The following BIRC6 variants were observed in gnomAD, a reference collection of about 807,000 sequenced individuals.
BIRC6 encodes dual E2 ubiquitin-conjugating enzyme/E3 ubiquitin-protein ligase BIRC6.
Under a neutral mutation model 503.3 loss-of-function variants are expected in BIRC6, and 98 were observed. The ratio of observed to expected loss-of-function variants is 0.19; its 90% CI spans 0.17 to 0.23. The LOEUF is 0.23. Among genes scored for constraint, BIRC6 ranks in the 10% least tolerant of loss-of-function variants. BIRC6 has a pLI of 1.00. For missense variants in BIRC6, 5,360 were observed against 5,806.0 expected, an observed-to-expected ratio of 0.92 and a Z score of 2.50; for synonymous variants, 2,240 against 2,078.7, an observed-to-expected ratio of 1.08 and a Z score of -2.11.
chr2:32,573,889 T>G (rs918934787), intron 65 of BIRC6, among the ~76,000 whole-genome samples: 1 of 152,216 alleles, frequency 6.6e-6, no homozygotes, highest in East Asian at 1.9e-4. Flanking sequence ...TAAATATGTT[T>G]CCAGCCATAA....
chr2:32,435,175 G>A (rs1437295361), intron 13 of BIRC6, among the ~76,000 whole-genome samples: 2 of 152,160 alleles, frequency 1.3e-5, no homozygotes, highest in Non-Finnish European at 1.5e-5. Context: ...TCAGGATTTG[G>A]TAGTTTCAAA....
At chr2:32,364,068 GT>G (rs2034518263) in intron 1 of BIRC6, among the ~76,000 whole-genome samples, 1 of 152,172 alleles carries the variant, frequency 6.6e-6, no homozygotes, top group South Asian at 2.1e-4. Context: ...TACTAGTTCT[GT>G]GTGTATACAG....
chr2:32,501,430 A>G (rs2053180350), intron 46 of BIRC6, among the ~76,000 whole-genome samples: 1 of 152,150 alleles, frequency 6.6e-6, no homozygotes, highest in South Asian at 2.1e-4. Context: ...TCTACTGAAT[A>G]TTGTCATTGA....
At chr2:32,536,095 A>G (rs2057212445) in intron 61 of BIRC6, among the ~76,000 whole-genome samples, 1 of 152,202 alleles carries the variant, frequency 6.6e-6, no homozygotes, top group Non-Finnish European at 1.5e-5. Context: ...TTGGCTGCAT[A>G]AATGTCTTCT....
intron 66 of BIRC6, among the ~76,000 whole-genome samples, chr2:32,590,345 G>T (rs1466672790): frequency 6.6e-6 from 1 of 152,190 alleles, no homozygotes; most frequent in Non-Finnish European, 1.5e-5. Flanking sequence ...ATTTCAGCAT[G>T]TAGTCTCCAG....
chr2:32,438,540 A>G (rs114854956), intron 15 of BIRC6, among the ~76,000 whole-genome samples: 2,399 of 151,724 alleles, frequency 0.016, 51 homozygotes, highest in African/African-American at 0.056. Flanking sequence ...TACTAGTGAT[A>G]ATAATTATTT....
At position 32,573,872 on chromosome 2, in the gene BIRC6, A is replaced by G. The variant is rs1002660442; in HGVS notation, c.13145-1284A>G. Among the ~76,000 whole-genome samples the G allele has an allele frequency of 3.3e-5, 5 of 152,240 alleles. No individual in the cohort carries two copies. In the East Asian group the frequency reaches 9.6e-4, roughly 29 times the overall value. ...TTTAGTTTAAAAAAGTTTCCACTTC[A>G]TACTGATAAATATGTTTCCAGCCAT... On this transcript the variant is annotated intron_variant, in intron 65 of 73. Transcript: ENST00000421745.
intron 1 of BIRC6, among the ~76,000 whole-genome samples, chr2:32,369,093 T>C (rs1015605380): frequency 6.6e-6 from 1 of 152,242 alleles, no homozygotes; most frequent in Non-Finnish European, 1.5e-5. Context: ...AGTAAAGATC[T>C]GCATGATGCA....
Position 32,463,178 on chromosome 2 carries a change from C to T in BIRC6, c.4754-16C>T, listed in dbSNP as rs1345086269. On this transcript the variant is annotated splice_polypyrimidine_tract_variant and intron_variant, in intron 23 of 73. Coordinates refer to ENST00000421745, the MANE Select transcript of BIRC6 (RefSeq NM_016252.4). ...GGTGTTTTTTGTTTTTGTTTTTACC[C>T]CTTGTCTTATGCCAGTGAGTTCCTT... 6.3e-7 allele frequency: 1 copy of T among 1,584,038 alleles called. No individual in the cohort carries two copies. The highest frequency in any genetic ancestry group is 1.2e-5 in the South Asian group (1 of 85,732).
chr2:32,605,366 T>G (rs1164000803), intron 71 of BIRC6, among the ~76,000 whole-genome samples: 2 of 152,216 alleles, frequency 1.3e-5, no homozygotes, highest in African/African-American at 4.8e-5. Context: ...AAAACCATAT[T>G]GTGTCTCAAA....
At chr2:32,473,455 G>T (rs1034664891) in intron 33 of BIRC6, among the ~76,000 whole-genome samples, 1 of 151,966 alleles carries the variant, frequency 6.6e-6, no homozygotes, top group African/African-American at 2.4e-5. Flanking sequence ...AACATTTACT[G>T]TTATACATCT....
At chr2:32,534,776 A>G (rs1024919546) in intron 61 of BIRC6, among the ~76,000 whole-genome samples, 14 of 150,764 alleles carry the variant, frequency 9.3e-5, no homozygotes, top group Admixed American at 8.6e-4. Context: ...AAATGGAAGC[A>G]TAGAAAGTGT....
intron 37 of BIRC6, among the ~76,000 whole-genome samples, chr2:32,480,843 T>C (rs1330792466): frequency 2.0e-5 from 3 of 151,834 alleles, no homozygotes; most frequent in Non-Finnish European, 4.4e-5. Context: ...GGTTCTGCCA[T>C]GTTGGTCAGG....
At chr2:32,606,868 G>A (rs192390631) in intron 71 of BIRC6, among the ~76,000 whole-genome samples, 78 of 152,002 alleles carry the variant, frequency 5.1e-4, no homozygotes, top group African/African-American at 1.9e-3. Context: ...TTAGTCTGGC[G>A]TGGTGGCAGG....
In BIRC6 at chr2:32,443,611, C is replaced by A. The variant is rs1472203229; in HGVS notation, c.4336+23C>A. 3.3e-6 allele frequency: 5 copies of A among 1,506,516 alleles called. 1 individual carries two copies. The Middle Eastern group carries it at 7.5e-4, about 225-fold the overall frequency. The allele number at this position is 1,506,516 out of a possible 1,614,324, so 93.3% of individuals were successfully genotyped here. ...GTGGTATGTAAAATTAATTTAATCA[C>A]AAATAGTTATAGTCATATGGAACAT... is the stretch of plus-strand genomic sequence containing the variant. On this transcript the variant is annotated intron_variant, in intron 20 of 73. Transcript: ENST00000421745.
intron 38 of BIRC6, among the ~76,000 whole-genome samples, chr2:32,481,789 C>A (rs1005112438): frequency 6.6e-6 from 1 of 151,620 alleles, no homozygotes; most frequent in Non-Finnish European, 1.5e-5. Context: ...AAAAAAAATT[C>A]TTTGAAAGGG....
rs769945864 is a variant in BIRC6, at chr2:32,440,751, TTTATTATTA to T, written c.3811-557_3811-549del. 4.8e-5 allele frequency among the ~76,000 whole-genome samples: 7 copies of T among 147,150 alleles called. 1 individual carries two copies. The highest frequency in any genetic ancestry group is 1.0e-4 in the African/African-American group (4 of 39,480). The stretch of plus-strand genomic sequence containing the variant: ...TATTTTATTTTATTGTGTTTATTTA[TTTATTATTA>T]TTATTATTATTATTATTATTGAGTC... On this transcript the variant is annotated intron_variant, in intron 16 of 73. Coordinates refer to ENST00000421745, the MANE Select transcript of BIRC6 (RefSeq NM_016252.4).
In BIRC6 at chr2:32,477,792, G is replaced by GT. The variant is rs1402425001; in HGVS notation, c.7068+214dup. Among the ~76,000 whole-genome samples, 28 of 150,502 alleles carry GT rather than the reference G, an allele frequency of 1.9e-4. No individual in the cohort carries two copies. In the South Asian group the frequency reaches 3.1e-3, roughly 17 times the overall value. On this transcript the variant is annotated intron_variant, in intron 35 of 73. Coordinates refer to ENST00000421745, the MANE Select transcript of BIRC6 (RefSeq NM_016252.4). ...TAATTAAAAACTAGCAAAGGATGAT[G>GT]TTTTTAGTCAATTTTCATTAAGAGA...
chr2:32,482,644 A>C (rs560000336), intron 39 of BIRC6, 62 bp downstream of exon 39: 5 of 1,571,862 alleles, frequency 3.2e-6, no homozygotes, highest in African/African-American at 1.3e-5. Flanking sequence ...TCATTTATGT[A>C]TACTTTGTCC....
Sources: gnomAD v4.1 joint callset for allele counts (sites outside exome capture counted in the v4.1 genomes callset) on GRCh38, gnomAD v4.1.1 for gene constraint, MANE v1.5 for transcripts, NCBI Gene and HGNC (gene_info 2026-07-23, HGNC 2026-07-21) for gene names.